The following TRIM48 variants were observed in gnomAD, a reference collection of about 807,000 sequenced individuals.
The protein encoded by TRIM48 is tripartite motif containing 48, also known as E3 ubiquitin-protein ligase TRIM48.
A neutral mutation model predicts 29.5 loss-of-function variants in TRIM48; 31 were observed. The observed-to-expected ratio is 1.05, with a 90% CI of 0.79 to 1.42. TRIM48 has a LOEUF of 1.42. TRIM48 is among the 40% of genes most tolerant of loss of function. The pLI, the probability that TRIM48 is intolerant of heterozygous loss-of-function variation, is 0.00. For synonymous variants in TRIM48, 128 were observed against 90.6 expected, an observed-to-expected ratio of 1.41 and a Z score of -2.34; for missense variants, 344 against 265.0, an observed-to-expected ratio of 1.30 and a Z score of -2.07.
At position 55,262,455 on chromosome 11, in the gene TRIM48, T is replaced by A. The variant is rs1341819716; in HGVS notation, c.44+144T>A. 4.3e-6 allele frequency: 3 copies of A among 694,600 alleles called. No homozygotes were observed. In the African/African-American group the frequency reaches 5.4e-5, roughly 13 times the overall value. The allele number at this position is 694,600 out of a possible 1,614,324, so 43.0% of individuals were successfully genotyped here. A position where few individuals can be genotyped will look rare whatever the true frequency, so the allele number is the denominator to read the frequency against. Reference sequence around the variant, plus strand: ...TTCTTACTATAGATTTTATGAATTATGAGGATATTAATTGTTGTTATTTTG... The same window carrying A: ...TTCTTACTATAGATTTTATGAATTAAGAGGATATTAATTGTTGTTATTTTG... On this transcript the variant is annotated intron_variant, in intron 1 of 5. Coordinates refer to ENST00000417545, the MANE Select transcript of TRIM48 (RefSeq NM_024114.5).
At position 55,270,813 on chromosome 11, in the gene TRIM48, C is replaced by T; in HGVS notation, c.*378C>T. Reference sequence around the variant, plus strand: ...GACCTACCAACCATGTAGAATTATTCCTGGATTGTGAAGCTAGAACTGTGA... The same window carrying T: ...GACCTACCAACCATGTAGAATTATTTCTGGATTGTGAAGCTAGAACTGTGA... On this transcript the variant is annotated 3_prime_UTR_variant, in exon 6 of 6. Transcript: ENST00000417545. The T allele has an allele frequency of 5.1e-6, 8 of 1,574,842 alleles. 1 individual carries two copies. The East Asian group carries it at 7.3e-5, about 14-fold the overall frequency.
chr11:55,265,093 C>T lies in TRIM48; in HGVS notation c.238C>T (p.Leu80Phe). ...CATAAAGACAATACAGCAGAGAAAC[C>T]TCAAAACTAACATTCGATTGAAGAA... ...ECIKTIQQRN[L>F]KTNIRLKKMA... Residue 80 changes from leucine (L) to phenylalanine (F), a missense_variant, in exon 2 of 6, where the codon CTC becomes TTC. Physicochemically the swap from Leu to Phe is conservative, Grantham distance 22. Transcript: ENST00000417545. The T allele has an allele frequency of 6.3e-7, 1 of 1,583,114 alleles. No individual in the cohort carries two copies. The highest frequency in any genetic ancestry group is 1.2e-5 in the South Asian group (1 of 83,672).
chr11:55,267,875 G>A (rs1857417793), intron 3 of TRIM48, among the ~76,000 whole-genome samples: 1 of 147,984 alleles, frequency 6.8e-6, no homozygotes, highest in Admixed American at 6.8e-5. Context: ...CAAGGTAACA[G>A]CCCCAATAAC....
At chr11:55,262,359 A>T in intron 1 of TRIM48, 48 bp downstream of exon 1, 1 of 1,342,288 alleles carries the variant, frequency 7.4e-7, no homozygotes, top group Non-Finnish European at 1.0e-6. Flanking sequence ...TCCTTTACAA[A>T]ATAATAAATT....
rs1371635879 is a variant in TRIM48, at chr11:55,264,927, C to T, written c.72C>T (p.Val24=). ...ACATGAATTCTGGAATCTCGCAAGT[C>T]TTCCAGAGGGAACTCACCTGCCCCA... The part of the protein sequence containing the change: ...QRNMNSGISQ[V]FQRELTCPIC... The change falls in exon 2 of 6, where the codon GTC becomes GTT. Residue 24 remains valine, a synonymous_variant. Coordinates refer to ENST00000417545, the MANE Select transcript of TRIM48 (RefSeq NM_024114.5). 2 of 1,583,744 alleles carry T rather than the reference C, an allele frequency of 1.3e-6. No homozygotes were observed. The highest frequency in any genetic ancestry group is 8.6e-7 in the Non-Finnish European group (1 of 1,166,176).
At chr11:55,263,299 G>A (rs772778865) in intron 1 of TRIM48, among the ~76,000 whole-genome samples, 3 of 152,042 alleles carry the variant, frequency 2.0e-5, no homozygotes, top group South Asian at 2.1e-4. Context: ...GTATACCATA[G>A]GTTTGTAGCA....
chr11:55,262,220 G>A lies in TRIM48; in HGVS notation c.-48G>A, dbSNP rs935282894. On this transcript the variant is annotated 5_prime_UTR_variant, in exon 1 of 6. Coordinates refer to ENST00000417545, the MANE Select transcript of TRIM48 (RefSeq NM_024114.5). ...GTGTTTTGGTGACCTCTGAAACTCAGTACTGCAGCGAATGAGCTCCTGACC... is the reference window on the plus strand; with the variant it reads ...GTGTTTTGGTGACCTCTGAAACTCAATACTGCAGCGAATGAGCTCCTGACC... 32 of 1,486,180 alleles carry A rather than the reference G, an allele frequency of 2.2e-5. No homozygotes were observed. The highest frequency in any genetic ancestry group is 2.7e-5 in the Non-Finnish European group (29 of 1,089,488). 92.1% of individuals were successfully genotyped at this position (1,486,180 alleles called of 1,614,324 possible). A position where few individuals can be genotyped will look rare whatever the true frequency, so the allele number is the denominator to read the frequency against.
chr11:55,264,157 T>A lies in TRIM48; in HGVS notation c.45-743T>A, dbSNP rs1014248853. On this transcript the variant is annotated intron_variant, in intron 1 of 5. Coordinates refer to ENST00000417545, the MANE Select transcript of TRIM48 (RefSeq NM_024114.5). ...TCTTTAAGTTTAACAAAAATCCTACTATATGTTAGTTCAGAGTTTGGGTAT... is the reference window on the plus strand; with the variant it reads ...TCTTTAAGTTTAACAAAAATCCTACAATATGTTAGTTCAGAGTTTGGGTAT... 3.4e-5 allele frequency among the ~76,000 whole-genome samples: 5 copies of A among 149,148 alleles called. 1 individual carries two copies. The highest frequency in any genetic ancestry group is 7.4e-5 in the Non-Finnish European group (5 of 67,174).
chr11:55,265,953 C>G (rs1381782703), intron 3 of TRIM48, among the ~76,000 whole-genome samples: 1 of 147,652 alleles, frequency 6.8e-6, no homozygotes, highest in Non-Finnish European at 1.5e-5. Context: ...TATACACCAA[C>G]AGATACAAGA....
Position 55,269,349 on chromosome 11 carries a change from C to A in TRIM48, c.*1+10C>A. ...CTCAACCAATTCTGAGGTAAGTCTC[C>A]ACCCACAGGCAGCACCCCCACTATC... On this transcript the variant is annotated intron_variant, in intron 5 of 5. Transcript: ENST00000417545. 1 of 1,572,132 alleles carries A rather than the reference C, an allele frequency of 6.4e-7. No individual in the cohort carries two copies. The highest frequency in any genetic ancestry group is 1.2e-5 in the South Asian group (1 of 83,572).
At chr11:55,263,565 G>C (rs761201767) in intron 1 of TRIM48, among the ~76,000 whole-genome samples, 1 of 152,206 alleles carries the variant, frequency 6.6e-6, no homozygotes, top group African/African-American at 2.4e-5. Flanking sequence ...AGGAGGCTAA[G>C]GCAGGAGACT....
intron 5 of TRIM48, 31 bp downstream of exon 5, chr11:55,269,370 C>T (rs776888927): frequency 6.4e-7 from 1 of 1,563,766 alleles, no homozygotes; most frequent in Admixed American, 1.7e-5. Flanking sequence ...AGCACCCCCA[C>T]TATCTAAATA....
intron 1 of TRIM48, among the ~76,000 whole-genome samples, chr11:55,263,066 G>A (rs371810965): frequency 1.3e-5 from 2 of 152,104 alleles, no homozygotes; most frequent in Non-Finnish European, 2.9e-5. Flanking sequence ...CAGAATCATA[G>A]GGTGTATATG....
At chr11:55,268,993 G>T (rs1225680298) in intron 4 of TRIM48, among the ~76,000 whole-genome samples, 4 of 148,032 alleles carry the variant, frequency 2.7e-5, no homozygotes, top group Non-Finnish European at 6.0e-5. Flanking sequence ...AGGCCATAAG[G>T]CTAAGGAACT....
intron 3 of TRIM48, chr11:55,267,338 G>T (rs753220781): frequency 1.0e-5 from 15 of 1,454,718 alleles, no homozygotes; most frequent in Middle Eastern, 2.5e-4. Flanking sequence ...AGAGACAAAA[G>T]GAATCAGTGA....
chr11:55,270,569 G>C lies in TRIM48; in HGVS notation c.*134G>C. ...GCAACACCTACAAGTTTTCTTGCATGGGGTGCTCAGACTTTCACCTCTGGC... is the reference window on the plus strand; with the variant it reads ...GCAACACCTACAAGTTTTCTTGCATCGGGTGCTCAGACTTTCACCTCTGGC... On this transcript the variant is annotated 3_prime_UTR_variant, in exon 6 of 6. Transcript: ENST00000417545. 1 of 1,583,530 alleles carries C rather than the reference G, an allele frequency of 6.3e-7. No homozygotes were observed. Among genetic ancestry groups the C allele is most frequent in the South Asian group, 1.2e-5 (1 of 83,662 alleles).
chr11:55,269,227 G>A lies in TRIM48; in HGVS notation c.579-15G>A, dbSNP rs1337339023. On this transcript the variant is annotated splice_polypyrimidine_tract_variant and intron_variant, in intron 4 of 5. Transcript: ENST00000417545. ...TATGGCTGTAGATGTTGTAACTGCAGGTTTTTCCTTGCAGGAGTGAGTCCG... is the reference window on the plus strand; with the variant it reads ...TATGGCTGTAGATGTTGTAACTGCAAGTTTTTCCTTGCAGGAGTGAGTCCG... 1.3e-6 allele frequency: 2 copies of A among 1,571,712 alleles called. No homozygotes were observed. The highest frequency in any genetic ancestry group is 1.2e-5 in the South Asian group (1 of 83,570).
At position 55,270,978 on chromosome 11, in the gene TRIM48, C is replaced by T. The variant is rs1857477323; in HGVS notation, c.*543C>T. ...AATGTGTTCATCTGCTGTGGGAACCCCTTTATCCCAGAAAGCCCTCTTCCT... is the reference window on the plus strand; with the variant it reads ...AATGTGTTCATCTGCTGTGGGAACCTCTTTATCCCAGAAAGCCCTCTTCCT... On this transcript the variant is annotated 3_prime_UTR_variant, in exon 6 of 6. Transcript: ENST00000417545. 1.3e-6 allele frequency: 2 copies of T among 1,546,086 alleles called. No homozygotes were observed. The highest frequency in any genetic ancestry group is 1.4e-5 in the African/African-American group (1 of 72,588).
Position 55,267,697 on chromosome 11 carries a change from T to C in TRIM48, c.556-653T>C. 1.3e-6 allele frequency: 2 copies of C among 1,542,932 alleles called. 1 individual carries two copies. The highest frequency in any genetic ancestry group is 4.9e-4 in the Middle Eastern group (2 of 4,088). On this transcript the variant is annotated intron_variant, in intron 3 of 5. Coordinates refer to ENST00000417545, the MANE Select transcript of TRIM48 (RefSeq NM_024114.5). The stretch of plus-strand genomic sequence containing the variant: ...CTATTCACATGTATAAGTATTTTCC[T>C]CATGGCTGAAATCCATCTCCCTACC...
Sources: allele counts gnomAD v4.1 joint callset (sites outside exome capture counted in the v4.1 genomes callset), GRCh38; gene constraint gnomAD v4.1.1; transcripts MANE v1.5; gene names NCBI Gene and HGNC (gene_info 2026-07-23, HGNC 2026-07-21).